STXBP5L: variants seen among roughly 807,000 people sequenced by gnomAD.
STXBP5L encodes syntaxin binding protein 5L, also known as syntaxin-binding protein 5-like.
A neutral mutation model predicts 144.5 loss-of-function variants in STXBP5L; 65 were observed. The observed-to-expected ratio is 0.45, with a 90% confidence interval of 0.37 to 0.55. STXBP5L has a LOEUF of 0.55. Ranked by LOEUF, STXBP5L falls within the 20% of genes least tolerant of loss-of-function variation. STXBP5L has a pLI of 0.00. For synonymous variants in STXBP5L, 505 were observed against 469.6 expected (o/e 1.08, Z -0.97); for missense variants, 1,298 against 1,405.5 (o/e 0.92, Z 1.22).
At chr3:120,962,780 G>A (rs1176530638) in intron 3 of STXBP5L, among the ~76,000 whole-genome samples, 1 of 152,260 alleles carries the variant, frequency 6.6e-6, no homozygotes, top group South Asian at 2.1e-4. Flanking sequence ...GGTTCCATAT[G>A]AACTTTAAAT....
At chr3:121,102,207 A>C (rs1018023370) in intron 5 of STXBP5L, among the ~76,000 whole-genome samples, 3 of 152,164 alleles carry the variant, frequency 2.0e-5, no homozygotes, top group Non-Finnish European at 4.4e-5. Context: ...ATTAGAAAAA[A>C]ACTATTATAA....
chr3:121,011,882 G>A (rs982650207), intron 3 of STXBP5L, among the ~76,000 whole-genome samples: 5 of 151,772 alleles, frequency 3.3e-5, no homozygotes, highest in African/African-American at 9.7e-5. Flanking sequence ...TCACGGGGTT[G>A]TGCAATAATT....
Position 120,983,015 on chromosome 3 carries a change from G to T in STXBP5L, c.287+27978G>T, listed in dbSNP as rs561517562. 5.6e-4 allele frequency among the ~76,000 whole-genome samples: 86 copies of T among 152,298 alleles called. 2 individuals carry two copies. In the South Asian group the frequency reaches 0.015, roughly 26 times the overall value. On this transcript the variant is annotated intron_variant, in intron 3 of 26. Transcript: ENST00000471454. Reference sequence around the variant, plus strand: ...GTGGACCTGCCACCAAGGGAGGCTGGACCTTTCTCTGCCTTGAGCAGTGGA... The same window carrying T: ...GTGGACCTGCCACCAAGGGAGGCTGTACCTTTCTCTGCCTTGAGCAGTGGA...
intron 17 of STXBP5L, among the ~76,000 whole-genome samples, chr3:121,258,401 G>A (rs2050277309): frequency 6.6e-6 from 1 of 152,180 alleles, no homozygotes; most frequent in Non-Finnish European, 1.5e-5. Context: ...CATGCAATTA[G>A]CAGATGCTAT....
At chr3:120,916,275 T>C (rs1709096759) in intron 2 of STXBP5L, among the ~76,000 whole-genome samples, 1 of 152,116 alleles carries the variant, frequency 6.6e-6, no homozygotes. Context: ...TTGTTTTAGT[T>C]TCAGTTAAGT....
chr3:121,072,127 G>A (rs1322397025), intron 5 of STXBP5L, among the ~76,000 whole-genome samples: 1 of 152,230 alleles, frequency 6.6e-6, no homozygotes. Flanking sequence ...TAAAGTTAAA[G>A]GCAGTTCAAA....
intron 5 of STXBP5L, among the ~76,000 whole-genome samples, chr3:121,074,941 C>T (rs888905761): frequency 1.3e-5 from 2 of 152,174 alleles, no homozygotes; most frequent in Non-Finnish European, 2.9e-5. Flanking sequence ...ATTATATTGA[C>T]ATAATTTTTA....
rs1226465225 is a variant in STXBP5L at position 121,183,779 on chromosome 3, C to T, written c.878-22144C>T. 2.6e-5 allele frequency among the ~76,000 whole-genome samples: 4 copies of T among 152,068 alleles called. No homozygotes were observed. In the South Asian group the frequency reaches 8.3e-4, roughly 32 times the overall value. ...GTGCCTCCTGACTGGGAGACAGCTT[C>T]CAGCAGGGGTTGACAGACACCTCAT... On this transcript the variant is annotated intron_variant, in intron 9 of 26. Transcript: ENST00000471454.
chr3:121,188,777 C>G (rs1306775133), intron 9 of STXBP5L, among the ~76,000 whole-genome samples: 2 of 152,194 alleles, frequency 1.3e-5, no homozygotes, highest in African/African-American at 4.8e-5. Flanking sequence ...GCTGAAAACT[C>G]TCAATAAACT....
chr3:121,200,724 C>A (rs2048105925), intron 9 of STXBP5L, among the ~76,000 whole-genome samples: 1 of 152,072 alleles, frequency 6.6e-6, no homozygotes, highest in Non-Finnish European at 1.5e-5. Context: ...TTTATTTCTG[C>A]CTTAATTTTG....
intron 22 of STXBP5L, among the ~76,000 whole-genome samples, chr3:121,393,110 T>C (rs1255656411): frequency 6.6e-6 from 1 of 151,994 alleles, no homozygotes; most frequent in Non-Finnish European, 1.5e-5. Flanking sequence ...TATTTTTTAT[T>C]AATAGCCATT....
At chr3:121,344,703 T>C (rs2044880854) in intron 20 of STXBP5L, among the ~76,000 whole-genome samples, 1 of 151,940 alleles carries the variant, frequency 6.6e-6, no homozygotes, top group Non-Finnish European at 1.5e-5. Context: ...GAGTTAATAA[T>C]TCTATAACTA....
chr3:121,062,148 A>G (rs1457144541), intron 5 of STXBP5L, among the ~76,000 whole-genome samples: 4 of 152,174 alleles, frequency 2.6e-5, no homozygotes, highest in Non-Finnish European at 4.4e-5. Context: ...GAGCTCTTGA[A>G]AGGCAAAGCC....
intron 7 of STXBP5L, among the ~76,000 whole-genome samples, chr3:121,139,138 T>G (rs949257667): frequency 1.3e-5 from 2 of 151,962 alleles, no homozygotes; most frequent in Non-Finnish European, 2.9e-5. Flanking sequence ...AAATTACATC[T>G]ATATGGAAAG....
chr3:120,987,483 T>A (rs1169845712), intron 3 of STXBP5L, among the ~76,000 whole-genome samples: 1 of 151,924 alleles, frequency 6.6e-6, no homozygotes, highest in East Asian at 1.9e-4. Flanking sequence ...TGTAAAGTTG[T>A]GTTTCAAGAG....
chr3:121,078,848 G>A (rs1235204548), intron 5 of STXBP5L, among the ~76,000 whole-genome samples: 2 of 152,270 alleles, frequency 1.3e-5, no homozygotes, highest in African/African-American at 2.4e-5. Context: ...GCTGCTCTGA[G>A]TGCGGGGCCC....
intron 6 of STXBP5L, among the ~76,000 whole-genome samples, chr3:121,116,915 G>T (rs1227228546): frequency 1.3e-5 from 2 of 151,932 alleles, no homozygotes; most frequent in African/African-American, 4.8e-5. Context: ...TTCAATATTA[G>T]TGAAAATATA....
chr3:121,336,971 G>A (rs1458747986), intron 20 of STXBP5L, among the ~76,000 whole-genome samples: 1 of 152,098 alleles, frequency 6.6e-6, no homozygotes, highest in African/African-American at 2.4e-5. Flanking sequence ...GGAGCTGGAG[G>A]CCATCATCCT....
intron 5 of STXBP5L, among the ~76,000 whole-genome samples, chr3:121,090,679 C>T (rs1308704151): frequency 6.6e-6 from 1 of 151,994 alleles, no homozygotes; most frequent in African/African-American, 2.4e-5. Context: ...CATTTTTGGT[C>T]ATTTATTTGT....
Sources: gnomAD v4.1 joint callset for allele counts (sites outside exome capture counted in the v4.1 genomes callset) on GRCh38, gnomAD v4.1.1 for gene constraint, MANE v1.5 for transcripts, NCBI Gene and HGNC (gene_info 2026-07-23, HGNC 2026-07-21) for gene names.